Variants in CDYL observed in about 807,000 individuals in gnomAD.
CDYL encodes the protein chromodomain Y like, also known as chromodomain Y-like protein.
CDYL carries 8 observed loss-of-function variants against 47.3 expected under a neutral mutation model. The ratio of observed to expected loss-of-function variants is 0.17; its 90% CI spans 0.10 to 0.31. CDYL has a LOEUF of 0.31. Ranked by LOEUF, CDYL falls within the 10% of genes least tolerant of loss-of-function variation. CDYL has a pLI of 1.00. For synonymous variants in CDYL, 266 were observed against 265.0 expected (o/e 1.00, Z -0.04); for missense variants, 471 against 701.4 (o/e 0.67, Z 3.71).
At chr6:4,710,945 AC>A (rs1266094943) in intron 1 of CDYL, among the ~76,000 whole-genome samples, 11 of 140,934 alleles carry the variant, frequency 7.8e-5, no homozygotes, top group Non-Finnish European at 1.6e-4. Context: ...ACACACACAC[AC>A]AAAGGTAACT....
chr6:4,939,747 A>C (rs1393481797), intron 4 of CDYL, among the ~76,000 whole-genome samples: 1 of 152,210 alleles, frequency 6.6e-6, no homozygotes, highest in Non-Finnish European at 1.5e-5. Flanking sequence ...CTTCATTATT[A>C]TCCATTCAGG....
At chr6:4,722,007 C>T (rs566671701) in intron 2 of CDYL, among the ~76,000 whole-genome samples, 1 of 152,136 alleles carries the variant, frequency 6.6e-6, no homozygotes, top group African/African-American at 2.4e-5. Context: ...GGATTATAGG[C>T]ATGTGCCTGG....
intron 1 of CDYL, among the ~76,000 whole-genome samples, chr6:4,818,913 GC>G (rs1479848768): frequency 6.6e-6 from 1 of 152,124 alleles, no homozygotes; most frequent in Non-Finnish European, 1.5e-5. Context: ...ATCCCTTCCT[GC>G]CTTTAAGACC....
intron 1 of CDYL, among the ~76,000 whole-genome samples, chr6:4,803,649 C>T (rs933778320): frequency 8.6e-5 from 13 of 151,982 alleles, no homozygotes; most frequent in South Asian, 4.1e-4. Flanking sequence ...CTTACAGCCC[C>T]GTCACTGTGG....
At chr6:4,715,937 A>G (rs1212511766) in intron 2 of CDYL, 1 of 1,573,768 alleles carries the variant, frequency 6.4e-7, no homozygotes, top group African/African-American at 1.4e-5. Context: ...ATTCTTAGAG[A>G]GGCCCCTTTT....
chr6:4,908,340 A>G (rs1757301905), intron 2 of CDYL, among the ~76,000 whole-genome samples: 1 of 151,796 alleles, frequency 6.6e-6, no homozygotes, highest in African/African-American at 2.4e-5. Context: ...GTGCGAGCAC[A>G]GGATTTAGGC....
At chr6:4,858,706 G>T (rs1316006223) in intron 1 of CDYL, among the ~76,000 whole-genome samples, 1 of 152,224 alleles carries the variant, frequency 6.6e-6, no homozygotes, top group African/African-American at 2.4e-5. Context: ...AAGGCTGTCA[G>T]CTTGAAGGTG....
chr6:4,887,879 C>A (rs1240104855), intron 1 of CDYL, among the ~76,000 whole-genome samples: 3 of 143,912 alleles, frequency 2.1e-5, no homozygotes, highest in Admixed American at 2.0e-4. Flanking sequence ...AGTTTACTGA[C>A]TTCTTTTTTT....
intron 5 of CDYL, among the ~76,000 whole-genome samples, chr6:4,945,025 G>C (rs1467890400): frequency 1.3e-5 from 2 of 152,138 alleles, no homozygotes; most frequent in African/African-American, 4.8e-5. Flanking sequence ...CCACCAAAGC[G>C]CCAAGGTCGG....
At chr6:4,867,622 A>G (rs959107294) in intron 1 of CDYL, among the ~76,000 whole-genome samples, 8 of 152,114 alleles carry the variant, frequency 5.3e-5, no homozygotes, top group Admixed American at 4.6e-4. Context: ...ATATTACATT[A>G]ATTGATTCTC....
intron 2 of CDYL, among the ~76,000 whole-genome samples, chr6:4,931,015 C>G (rs1423716355): frequency 6.6e-6 from 1 of 152,210 alleles, no homozygotes; most frequent in Non-Finnish European, 1.5e-5. Flanking sequence ...TCATTAGCAG[C>G]TACTTCTGCT....
At chr6:4,745,459 G>A (rs1757876198) in intron 3 of CDYL, among the ~76,000 whole-genome samples, 1 of 152,014 alleles carries the variant, frequency 6.6e-6, no homozygotes, top group African/African-American at 2.4e-5. Flanking sequence ...AGTGTTGGCC[G>A]GGCTCGGTAG....
chr6:4,742,379 AAAG>A (rs1382674901), intron 3 of CDYL, among the ~76,000 whole-genome samples: 1 of 151,546 alleles, frequency 6.6e-6, no homozygotes, highest in Non-Finnish European at 1.5e-5. Context: ...AAAAAAAAAA[AAAG>A]AAAAGAAAAA....
At chr6:4,763,304 A>G (rs1758204227) in intron 3 of CDYL, among the ~76,000 whole-genome samples, 1 of 152,200 alleles carries the variant, frequency 6.6e-6, no homozygotes, top group African/African-American at 2.4e-5. Context: ...AAACAAAACA[A>G]AAAAACCAAA....
chr6:4,723,008 A>C (rs1484185374), intron 2 of CDYL, among the ~76,000 whole-genome samples: 1 of 152,232 alleles, frequency 6.6e-6, no homozygotes, highest in African/African-American at 2.4e-5. Context: ...TAACTGAATT[A>C]AACAGCCTTT....
At chr6:4,841,820 G>T (rs540600973) in intron 1 of CDYL, among the ~76,000 whole-genome samples, 2 of 151,486 alleles carry the variant, frequency 1.3e-5, no homozygotes, top group African/African-American at 4.8e-5. Context: ...TATCATATGG[G>T]CTATCTTGGA....
intron 2 of CDYL, among the ~76,000 whole-genome samples, chr6:4,902,360 C>T (rs1281633146): frequency 2.7e-5 from 4 of 150,524 alleles, no homozygotes; most frequent in South Asian, 4.2e-4. Context: ...GAGCCAAGAT[C>T]GCACCATTGC....
At chr6:4,810,090 G>A (rs1759483258) in intron 1 of CDYL, among the ~76,000 whole-genome samples, 1 of 151,998 alleles carries the variant, frequency 6.6e-6, no homozygotes, top group Non-Finnish European at 1.5e-5. Flanking sequence ...CTTTCTCCCC[G>A]TTGGCTTTTG....
intron 1 of CDYL, among the ~76,000 whole-genome samples, chr6:4,815,674 TTTTTTTTTTTTTTTTTTTTACC>T (rs1333636005): frequency 3.1e-5 from 3 of 96,976 alleles, no homozygotes; most frequent in Non-Finnish European, 5.9e-5. Flanking sequence ...GAGATTTCAC[TTTTTTTTTTTTTTTTTTTTACC>T]TTTTTTTTTT....
Sources: gnomAD v4.1 joint callset for allele counts (sites outside exome capture counted in the v4.1 genomes callset) on GRCh38, gnomAD v4.1.1 for gene constraint, MANE v1.5 for transcripts, NCBI Gene and HGNC (gene_info 2026-07-23, HGNC 2026-07-21) for gene names.